DNAH2: variants seen among roughly 807,000 people sequenced by gnomAD.
DNAH2 encodes axonemal beta dynein heavy chain 2.
DNAH2 carries 323 observed loss-of-function variants against 523.5 expected under a neutral mutation model. That is an observed-to-expected ratio of 0.62 (90% CI 0.56 to 0.68). The LOEUF is 0.68. Ranked by LOEUF, DNAH2 falls within the 30% of genes least tolerant of loss-of-function variation. DNAH2 has a pLI of 0.00. For missense variants in DNAH2, 4,907 were observed against 5,701.5 expected (o/e 0.86, Z 4.49); for synonymous variants, 2,093 against 2,177.4 (o/e 0.96, Z 1.08).
In DNAH2 at chr17:7,828,292, T is replaced by C. The variant is rs898846492; in HGVS notation, c.11854-2008T>C. 1.3e-5 allele frequency among the ~76,000 whole-genome samples: 2 copies of C among 152,166 alleles called. No individual in the cohort carries two copies. The highest frequency in any genetic ancestry group is 4.8e-5 in the African/African-American group (2 of 41,378). Reference sequence around the variant, plus strand: ...GGCTGGTAAGGCACATCTTCTTACCTTATTCTTCTTCAGGCTATTCTTGAC... The same window carrying C: ...GGCTGGTAAGGCACATCTTCTTACCCTATTCTTCTTCAGGCTATTCTTGAC... On this transcript the variant is annotated intron_variant, in intron 77 of 85. Coordinates refer to ENST00000572933, the MANE Select transcript of DNAH2 (RefSeq NM_020877.5). This position sits in a 1 kb window ranked among gnomAD's most constrained non-coding sequence, Gnocchi z 4.1.
At chr17:7,788,347 C>T in intron 44 of DNAH2, 103 bp downstream of exon 44, 2 of 1,383,724 alleles carry the variant, frequency 1.4e-6, no homozygotes, top group Non-Finnish European at 1.9e-6. Context: ...GAACTCCAGG[C>T]TTGAGTGGAG....
intron 12 of DNAH2, among the ~76,000 whole-genome samples, chr17:7,746,420 T>C (rs1306949037): frequency 2.0e-5 from 3 of 152,224 alleles, no homozygotes; most frequent in East Asian, 3.8e-4. Context: ...TATTGTTCTA[T>C]ATATTCCAAG....
In DNAH2 at chr17:7,743,147, A is replaced by C; in HGVS notation, c.1904+5A>C. 6.2e-7 allele frequency: 1 copy of C among 1,605,392 alleles called. No individual in the cohort carries two copies. The highest frequency in any genetic ancestry group is 8.5e-7 in the Non-Finnish European group (1 of 1,177,502). ...GCTGGATGTCAACTTTGACAAGTAC[A>C]GGAGCCACCTGGCCCCTTTTCCCTA... is the stretch of plus-strand genomic sequence containing the variant. On this transcript the variant is annotated splice_donor_5th_base_variant and intron_variant, in intron 12 of 85. Transcript: ENST00000572933.
Position 7,779,206 on chromosome 17 carries a change from C to T in DNAH2, c.5542-37C>T, listed in dbSNP as rs372523078. On this transcript the variant is annotated intron_variant, in intron 35 of 85. Transcript: ENST00000572933. Reference sequence around the variant, plus strand: ...TCACGCTTTCTAGCCTCTTGGGGCACCTCTCGCTCCCAGTGACTCTGCCTT... The same window carrying T: ...TCACGCTTTCTAGCCTCTTGGGGCATCTCTCGCTCCCAGTGACTCTGCCTT... 114 of 1,605,212 alleles carry T rather than the reference C, an allele frequency of 7.1e-5. No individual in the cohort carries two copies. The African/African-American group carries it at 1.4e-3, about 20-fold the overall frequency.
chr17:7,833,337 C>G (rs1418069172), intron 85 of DNAH2, 42 bp from the exon 86 acceptor site: 1 of 1,610,160 alleles, frequency 6.2e-7, no homozygotes, highest in Non-Finnish European at 8.5e-7. Flanking sequence ...CCTGCTCTCC[C>G]GGAGGCTCCA....
In DNAH2 at chr17:7,831,793, T is replaced by C. The variant is rs1373975050; in HGVS notation, c.12726+18T>C. ...GGGGAAAGGCAAGATTATACCATTG[T>C]TGATCCTTCTCCAACAATGAGCTCC... On this transcript the variant is annotated intron_variant, in intron 82 of 85. Coordinates refer to ENST00000572933, the MANE Select transcript of DNAH2 (RefSeq NM_020877.5). This position sits in a 1 kb window ranked among gnomAD's most constrained non-coding sequence, Gnocchi z 4.2. 2 of 1,603,520 alleles carry C rather than the reference T, an allele frequency of 1.2e-6. No homozygotes were observed. Among genetic ancestry groups the C allele is most frequent in the South Asian group, 1.1e-5 (1 of 90,454 alleles).
intron 39 of DNAH2, among the ~76,000 whole-genome samples, 160 bp from the exon 40 acceptor site, chr17:7,785,964 T>C (rs890312765): frequency 2.0e-5 from 3 of 152,110 alleles, no homozygotes; most frequent in Admixed American, 2.0e-4. Flanking sequence ...AACTCTGCAA[T>C]GGGCCAGCTT....
chr17:7,723,495 C>T lies in DNAH2; in HGVS notation c.167-133C>T, dbSNP rs1386554285. On this transcript the variant is annotated intron_variant, in intron 2 of 85. Coordinates refer to ENST00000572933, the MANE Select transcript of DNAH2 (RefSeq NM_020877.5). The stretch of plus-strand genomic sequence containing the variant: ...CTATATTGGCCAGGCTGGTCTCAAA[C>T]TCCTGACCTCAGGTGATCCTCCCGC... 8 of 691,920 alleles carry T rather than the reference C, an allele frequency of 1.2e-5. No individual in the cohort carries two copies. The African/African-American group carries it at 1.4e-4, about 12-fold the overall frequency. The allele number at this position is 691,920 out of a possible 1,614,324, so 42.9% of individuals were successfully genotyped here. A position where few individuals can be genotyped will look rare whatever the true frequency, so the allele number is the denominator to read the frequency against.
intron 58 of DNAH2, 88 bp downstream of exon 58, chr17:7,802,105 A>G: frequency 4.6e-6 from 7 of 1,532,104 alleles, no homozygotes; most frequent in Non-Finnish European, 5.3e-6. Flanking sequence ...GTGCAAGGGC[A>G]GAGACACAAA....
chr17:7,739,782 G>A lies in DNAH2; in HGVS notation c.1220G>A (p.Gly407Asp), dbSNP rs757442029. The A allele has an allele frequency of 3.1e-6, 5 of 1,613,704 alleles. No individual in the cohort carries two copies. The highest frequency in any genetic ancestry group is 4.2e-6 in the Non-Finnish European group (5 of 1,180,004). Reference protein sequence around the residue: ...HFARWEDGKQGPLPCFFGAQG... With the variant: ...HFARWEDGKQDPLPCFFGAQG... ...GCCCGCTGGGAAGATGGCAAGCAGG[G>A]TCCCCTTCCTTGCTTCTTTGGTGCC... is the stretch of plus-strand genomic sequence containing the variant. Residue 407 changes from glycine (G) to aspartate (D), a missense_variant, in exon 9 of 86, where the codon GGT becomes GAT. By Grantham distance (94) the Gly-to-Asp change is moderately conservative. Coordinates refer to ENST00000572933, the MANE Select transcript of DNAH2 (RefSeq NM_020877.5).
rs573149311 is a variant in DNAH2 at position 7,810,560 on chromosome 17, T to C, written c.9729+2974T>C. 4.0e-4 allele frequency among the ~76,000 whole-genome samples: 61 copies of C among 152,206 alleles called. No homozygotes were observed. In the South Asian group the frequency reaches 0.011, roughly 28 times the overall value. ...TCTGCCACCACGCCCGGCTAATTTT[T>C]GTATTTTTAGTAGAGATGGGGTTTC... is the stretch of plus-strand genomic sequence containing the variant. On this transcript the variant is annotated intron_variant, in intron 63 of 85. Coordinates refer to ENST00000572933, the MANE Select transcript of DNAH2 (RefSeq NM_020877.5).
chr17:7,821,254 G>A lies in DNAH2; in HGVS notation c.11027G>A (p.Arg3676His), dbSNP rs142766785. The change falls in exon 73 of 86, where the codon CGT (arginine) becomes CAT (histidine). Residue 3676 changes from arginine (R) to histidine (H), a missense_variant. Physicochemically the swap from Arg to His is conservative, Grantham distance 29. Transcript: ENST00000572933. The surrounding 1 kb of genome is among the most constrained non-coding windows in gnomAD (Gnocchi z 5.0). The stretch of plus-strand genomic sequence containing the variant: ...TCCCTTTCTCCCAGGTACACCTGCC[G>A]TACCCTTTTCGAACGCCACAAACTA... ...HTYAVYRYTC[R>H]TLFERHKLLF... is the part of the protein sequence containing the mutation. The A allele has an allele frequency of 1.4e-5, 23 of 1,613,048 alleles. No individual in the cohort carries two copies. Among genetic ancestry groups the A allele is most frequent in the South Asian group, 4.4e-5 (4 of 90,966 alleles).
chr17:7,752,330 C>A (rs184440237), intron 12 of DNAH2, among the ~76,000 whole-genome samples: 695 of 152,178 alleles, frequency 4.6e-3, no homozygotes, highest in Admixed American at 9.0e-3. Flanking sequence ...TTGTACCTAG[C>A]AACTTTTACA....
chr17:7,830,437 G>C lies in DNAH2; in HGVS notation c.11991G>C (p.Lys3997Asn). The C allele has an allele frequency of 1.2e-6, 2 of 1,614,224 alleles. No homozygotes were observed. The highest frequency in any genetic ancestry group is 1.7e-6 in the Non-Finnish European group (2 of 1,180,046). Residue 3997 changes from lysine to asparagine, a missense_variant, in exon 78 of 86, where the codon AAG becomes AAC. This residue lies in a region of DNAH2 where 1,851 missense variants were observed against 2,139.4 expected (regional missense o/e 0.87). Transcript: ENST00000572933. ...ACTCTGTGTTACTTGAACGCAAAAAGTTCCTGCAGCTTGGCTGGAACATCA... is the reference window on the plus strand; with the variant it reads ...ACTCTGTGTTACTTGAACGCAAAAACTTCCTGCAGCTTGGCTGGAACATCA... ...FFHSVLLERK[K>N]FLQLGWNIIY...
chr17:7,737,112 C>T lies in DNAH2; in HGVS notation c.1024C>T (p.Leu342=), dbSNP rs879248732. ...GTCAAACCTGACCTTTTTGTCAATC[C>T]TGAAGGAACCTTACCAGGAGTTGGC... The part of the protein sequence containing the change: ...AQSNLTFLSI[L]KEPYQELAFM... The change falls in exon 8 of 86, where the codon CTG becomes TTG. Residue 342 remains leucine, a synonymous_variant. Transcript: ENST00000572933. 6 of 1,614,140 alleles carry T rather than the reference C, an allele frequency of 3.7e-6. No homozygotes were observed. Among genetic ancestry groups the T allele is most frequent in the Non-Finnish European group, 5.1e-6 (6 of 1,180,006 alleles).
chr17:7,781,101 C>G lies in DNAH2; in HGVS notation c.6063C>G (p.Pro2021=). ...NIAKLTSVDA[P]LFNAIVQDLF... Reference sequence around the variant, plus strand: ...CCAAGCTCACTTCAGTTGATGCACCCCTGTTCAATGCCATCGTGCAAGATC... The same window carrying G: ...CCAAGCTCACTTCAGTTGATGCACCGCTGTTCAATGCCATCGTGCAAGATC... Residue 2021 remains proline (P), a synonymous_variant, in exon 39 of 86, where the codon CCC becomes CCG. Coordinates refer to ENST00000572933, the MANE Select transcript of DNAH2 (RefSeq NM_020877.5). 7 of 1,614,226 alleles carry G rather than the reference C, an allele frequency of 4.3e-6. No homozygotes were observed. Among genetic ancestry groups the G allele is most frequent in the Non-Finnish European group, 5.9e-6 (7 of 1,180,042 alleles).
chr17:7,829,105 C>T (rs1189087583), intron 77 of DNAH2, among the ~76,000 whole-genome samples: 1 of 152,002 alleles, frequency 6.6e-6, no homozygotes, highest in African/African-American at 2.4e-5. Context: ...ACCTCCTCCT[C>T]CTGGGTTCAA....
Position 7,771,461 on chromosome 17 carries a change from T to G in DNAH2, c.4494T>G (p.His1498Gln). The G allele has an allele frequency of 6.2e-7, 1 of 1,613,886 alleles. No homozygotes were observed. Among genetic ancestry groups the G allele is most frequent in the South Asian group, 1.1e-5 (1 of 91,070 alleles). ...NKDNNALRST[H>Q]HPGLLDTLIE... Reference sequence around the variant, plus strand: ...ACAACAATGCTCTCCGGAGCACCCATCACCCAGGTCAGAGCTCCAGGGCTC... The same window carrying G: ...ACAACAATGCTCTCCGGAGCACCCAGCACCCAGGTCAGAGCTCCAGGGCTC... Residue 1498 changes from histidine (H) to glutamine (Q), a missense_variant, in exon 28 of 86, where the codon CAT becomes CAG. Physicochemically the swap from His to Gln is conservative, Grantham distance 24 (BLOSUM62 0). Transcript: ENST00000572933.
rs1427803401 is a variant in DNAH2 at position 7,786,994 on chromosome 17, G to A, written c.6564G>A (p.Leu2188=). Residue 2188 remains leucine, a synonymous_variant, in exon 42 of 86, where the codon TTG becomes TTA. Transcript: ENST00000572933. This position sits in a 1 kb window ranked among gnomAD's most constrained non-coding sequence, Gnocchi z 7.5. ...MNSVMDDNKV[L]TLINGERIAM... ...CCGTCATGGACGATAACAAGGTGTT[G>A]ACCCTCATCAACGGCGAGCGCATCG... 1.9e-6 allele frequency: 3 copies of A among 1,614,242 alleles called. No individual in the cohort carries two copies. The South Asian group carries it at 3.3e-5, about 18-fold the overall frequency.
Sources: gnomAD v4.1 joint callset for allele counts (sites outside exome capture counted in the v4.1 genomes callset) on GRCh38, gnomAD v4.1.1 for gene constraint, gnomAD v4.1.1 regional missense constraint, Gnocchi (gnomAD v3.1) non-coding constraint, MANE v1.5 for transcripts, NCBI Gene and HGNC (gene_info 2026-07-23, HGNC 2026-07-21) for gene names.